The following CEP128 variants were observed in gnomAD, a reference collection of about 807,000 sequenced individuals.
The protein encoded by CEP128 is centrosomal protein 128.
A neutral mutation model predicts 156.7 loss-of-function variants in CEP128; 132 were observed. That is an observed-to-expected ratio of 0.84 (90% CI 0.73 to 0.97). The LOEUF (loss-of-function observed/expected upper bound fraction) is 0.97, where lower values mean the gene tolerates loss of function less well. Among genes scored for constraint, CEP128 ranks in the 50% least tolerant of loss-of-function variants. The pLI, the probability that CEP128 is intolerant of heterozygous loss-of-function variation, is 0.00. For missense variants in CEP128, 1,252 were observed against 1,281.9 expected (o/e 0.98, Z 0.36); for synonymous variants, 469 against 448.9 (o/e 1.04, Z -0.57).
intron 19 of CEP128, among the ~76,000 whole-genome samples, chr14:80,698,968 C>T (rs933827571): frequency 1.3e-5 from 2 of 151,974 alleles, no homozygotes; most frequent in African/African-American, 4.8e-5. Flanking sequence ...AAATTACTCT[C>T]AAAGAAAGGT....
At chr14:80,544,800 T>C (rs916364187) in intron 21 of CEP128, among the ~76,000 whole-genome samples, 3 of 152,158 alleles carry the variant, frequency 2.0e-5, no homozygotes, top group Admixed American at 6.6e-5. Context: ...ATTTCCAGAA[T>C]GATAAAATAG....
In CEP128 at chr14:80,530,501, A is replaced by C. The variant is rs551008937; in HGVS notation, c.2958+308T>G. On this transcript the variant is annotated intron_variant, in intron 22 of 24. Coordinates refer to ENST00000555265, the MANE Select transcript of CEP128 (RefSeq NM_152446.5). Reference sequence around the variant, plus strand: ...CTAACCAAAAAAGTTATCTATTGTCAGTGTAATGTGTAACTCCCTTTAATT... The same window carrying C: ...CTAACCAAAAAAGTTATCTATTGTCCGTGTAATGTGTAACTCCCTTTAATT... 6.6e-5 allele frequency among the ~76,000 whole-genome samples: 10 copies of C among 152,340 alleles called. No homozygotes were observed. In the South Asian group the frequency reaches 1.2e-3, roughly 19 times the overall value.
intron 19 of CEP128, among the ~76,000 whole-genome samples, chr14:80,626,789 A>T (rs959185364): frequency 6.6e-6 from 1 of 151,606 alleles, no homozygotes; most frequent in Non-Finnish European, 1.5e-5. Flanking sequence ...AATTAGCTAG[A>T]TGTGGTGGCG....
intron 19 of CEP128, among the ~76,000 whole-genome samples, chr14:80,735,012 C>G (rs73338600): frequency 6.6e-6 from 1 of 152,068 alleles, no homozygotes; most frequent in African/African-American, 2.4e-5. Context: ...TATGACCTAA[C>G]AGGTATCCCT....
chr14:80,785,282 C>G lies in CEP128; in HGVS notation c.1824G>C (p.Glu608Asp), dbSNP rs759334567. Residue 608 changes from glutamate (E) to aspartate (D), a missense_variant, in exon 15 of 25, where the codon GAG becomes GAC. Glu to Asp is a conservative substitution (Grantham distance 45, BLOSUM62 2). Coordinates refer to ENST00000555265, the MANE Select transcript of CEP128 (RefSeq NM_152446.5). The stretch of plus-strand genomic sequence containing the variant: ...CAATTTCTTCCTCCAAGTGAGCTTT[C>G]TCAACTTTCATCTGGCTTTGGATCT... Reference protein sequence around the residue: ...QSKIQSQMKVEKAHLEEEIAE... With the variant: ...QSKIQSQMKVDKAHLEEEIAE... The G allele has an allele frequency of 1.4e-5, 23 of 1,614,190 alleles. No individual in the cohort carries two copies. The Admixed American group carries it at 3.7e-4, about 26-fold the overall frequency.
rs146805187 is a variant in CEP128 at position 80,848,088 on chromosome 14, G to C, written c.763-7320C>G. 2.6e-4 allele frequency among the ~76,000 whole-genome samples: 39 copies of C among 152,230 alleles called. No individual in the cohort carries two copies. In the East Asian group the frequency reaches 5.4e-3, roughly 21 times the overall value. On this transcript the variant is annotated intron_variant, in intron 9 of 24. Coordinates refer to ENST00000555265, the MANE Select transcript of CEP128 (RefSeq NM_152446.5). ...CATAAAGCCTGCATTCTGCTCAAGG[G>C]GACAGATGGTTGACAAATAATGAAA...
chr14:80,791,829 C>A (rs1901721944), intron 14 of CEP128, among the ~76,000 whole-genome samples: 1 of 152,174 alleles, frequency 6.6e-6, no homozygotes, highest in Non-Finnish European at 1.5e-5. Context: ...GACAGCTCAT[C>A]TGAAATAAGT....
intron 2 of CEP128, among the ~76,000 whole-genome samples, chr14:80,925,671 G>A (rs1339571143): frequency 6.6e-6 from 1 of 151,928 alleles, no homozygotes; most frequent in East Asian, 1.9e-4. Flanking sequence ...ACAAAATAGT[G>A]TGTAGAAAGT....
chr14:80,560,659 C>A (rs983767484), intron 20 of CEP128, among the ~76,000 whole-genome samples: 1 of 151,964 alleles, frequency 6.6e-6, no homozygotes, highest in East Asian at 1.9e-4. Flanking sequence ...CTGGTGGGCA[C>A]AATCTAATCA....
chr14:80,840,917 C>A, intron 9 of CEP128, 149 bp from the exon 10 acceptor site: 1 of 561,360 alleles, frequency 1.8e-6, no homozygotes, highest in South Asian at 2.4e-5. Context: ...AAGAACACTT[C>A]AGTGGGGATA....
At chr14:80,651,299 TTC>T (rs1894893677) in intron 19 of CEP128, among the ~76,000 whole-genome samples, 1 of 152,108 alleles carries the variant, frequency 6.6e-6, no homozygotes. Flanking sequence ...TATATGGTTC[TTC>T]TCTCTTTTCT....
intron 19 of CEP128, among the ~76,000 whole-genome samples, chr14:80,582,469 A>G (rs945528103): frequency 1.2e-4 from 19 of 152,140 alleles, no homozygotes; most frequent in African/African-American, 3.9e-4. Flanking sequence ...AGGTAGCATG[A>G]GCTAATAAGC....
At chr14:80,514,969 G>A (rs1178161742) in intron 23 of CEP128, among the ~76,000 whole-genome samples, 1 of 152,220 alleles carries the variant, frequency 6.6e-6, no homozygotes, top group Non-Finnish European at 1.5e-5. Flanking sequence ...GTATCACTGT[G>A]AGTCTTGCAG....
chr14:80,669,116 G>A (rs902631522), intron 19 of CEP128, among the ~76,000 whole-genome samples: 5 of 151,966 alleles, frequency 3.3e-5, no homozygotes, highest in East Asian at 1.9e-4. Flanking sequence ...AGAGTGAAAC[G>A]GTATGGAGAT....
chr14:80,652,831 A>C (rs1894964940), intron 19 of CEP128, among the ~76,000 whole-genome samples: 1 of 152,232 alleles, frequency 6.6e-6, no homozygotes, highest in African/African-American at 2.4e-5. Flanking sequence ...CAGCAATCCC[A>C]TTACTGGGTA....
At chr14:80,700,830 G>A (rs1033674423) in intron 19 of CEP128, among the ~76,000 whole-genome samples, 1 of 152,086 alleles carries the variant, frequency 6.6e-6, no homozygotes, top group African/African-American at 2.4e-5. Context: ...AAATAATATT[G>A]TTTCTTTATA....
chr14:80,485,811 C>G (rs1267520243), downstream of CEP128, among the ~76,000 whole-genome samples: 1 of 152,084 alleles, frequency 6.6e-6, no homozygotes, highest in Non-Finnish European at 1.5e-5. Context: ...TAATTGTTGG[C>G]GTATGTGCCT....
chr14:80,540,802 C>A (rs1566767702), intron 21 of CEP128, among the ~76,000 whole-genome samples: 1 of 152,016 alleles, frequency 6.6e-6, no homozygotes, highest in Non-Finnish European at 1.5e-5. Context: ...AACTCTGAGA[C>A]CCACCTCAGG....
At chr14:80,595,469 A>G (rs1892273831) in intron 19 of CEP128, among the ~76,000 whole-genome samples, 2 of 152,144 alleles carry the variant, frequency 1.3e-5, no homozygotes, top group Non-Finnish European at 1.5e-5. Context: ...TTTAAAGTAC[A>G]ATTAAAAAAA....
Sources: allele counts gnomAD v4.1 joint callset (sites outside exome capture counted in the v4.1 genomes callset), GRCh38; gene constraint gnomAD v4.1.1; transcripts MANE v1.5; gene names NCBI Gene and HGNC (gene_info 2026-07-23, HGNC 2026-07-21).